SIGLEC1: variants seen among roughly 807,000 people sequenced by gnomAD.
The protein encoded by SIGLEC1 is sialoadhesin.
In SIGLEC1, 132 loss-of-function variants were observed where a neutral mutation model predicts 148.0. The observed-to-expected ratio is 0.89, with a 90% CI of 0.77 to 1.03. SIGLEC1 has a LOEUF of 1.03. Among genes scored for constraint, SIGLEC1 ranks in the 50% least tolerant of loss-of-function variants. The pLI, the probability that SIGLEC1 is intolerant of heterozygous loss-of-function variation, is 0.00. For missense variants in SIGLEC1, 2,253 were observed against 2,271.4 expected (o/e 0.99, Z 0.16); for synonymous variants, 945 against 969.0 (o/e 0.98, Z 0.46).
At chr20:3,709,290 C>G (rs1241706939) in intron 1 of SIGLEC1, among the ~76,000 whole-genome samples, 1 of 152,116 alleles carries the variant, frequency 6.6e-6, no homozygotes, top group East Asian at 1.9e-4. Context: ...AGATATATAA[C>G]TGGCTGATAA....
chr20:3,703,432 G>A lies in SIGLEC1; in HGVS notation c.993C>T (p.Ser331=). ...LHIFMAEVQV[S]PAGPILENQT... The stretch of plus-strand genomic sequence containing the variant: ...GGTTCTCCAGGATGGGACCTGCTGG[G>A]CTCACCTGGACCTCAGCCACTGCAA... Residue 331 remains serine (S), a synonymous_variant, in exon 6 of 22, where the codon AGC becomes AGT. Coordinates refer to ENST00000344754, the MANE Select transcript of SIGLEC1 (RefSeq NM_023068.4). 1 of 1,579,156 alleles carries A rather than the reference G, an allele frequency of 6.3e-7. No homozygotes were observed. Among genetic ancestry groups the A allele is most frequent in the Non-Finnish European group, 8.6e-7 (1 of 1,160,652 alleles).
In SIGLEC1 at chr20:3,693,149, C is replaced by A; in HGVS notation, c.3509-18G>T. 6.6e-7 allele frequency: 1 copy of A among 1,521,606 alleles called. No homozygotes were observed. 94.3% of individuals were successfully genotyped at this position (1,521,606 alleles called of 1,614,324 possible). A position where few individuals can be genotyped will look rare whatever the true frequency, so the allele number is the denominator to read the frequency against. ...GGGCGCGTCTGCAGGGCATGAGAGG[C>A]TTACACGGAGTCACAGGCAGCAGCC... On this transcript the variant is annotated intron_variant, in intron 14 of 21. Coordinates refer to ENST00000344754, the MANE Select transcript of SIGLEC1 (RefSeq NM_023068.4).
At chr20:3,689,073 TA>T in intron 21 of SIGLEC1, 81 bp downstream of exon 21, 2 of 1,235,184 alleles carry the variant, frequency 1.6e-6, no homozygotes, top group Non-Finnish European at 1.2e-6. Flanking sequence ...CACCATCCTC[TA>T]AATGACAGCA....
chr20:3,697,564 G>A (rs1338277484), intron 9 of SIGLEC1, among the ~76,000 whole-genome samples: 1 of 152,188 alleles, frequency 6.6e-6, no homozygotes, highest in Non-Finnish European at 1.5e-5. Context: ...GGACAAGGCA[G>A]CCCAACTGTC....
Position 3,701,521 on chromosome 20 carries a change from T to C in SIGLEC1, c.1349A>G (p.His450Arg). The stretch of plus-strand genomic sequence containing the variant: ...GTCCCCGGAGGTGGAGGCCAGGATA[T>C]GACCCCCATGTGACAGCACCAGTGT... The part of the protein sequence containing the change: ...LATLVLSHGG[H>R]ILASTSGDSD... Residue 450 changes from histidine to arginine, a missense_variant, in exon 7 of 22, where the codon CAT becomes CGT. Coordinates refer to ENST00000344754, the MANE Select transcript of SIGLEC1 (RefSeq NM_023068.4). The C allele has an allele frequency of 6.2e-7, 1 of 1,613,960 alleles. No individual in the cohort carries two copies. The highest frequency in any genetic ancestry group is 8.5e-7 in the Non-Finnish European group (1 of 1,180,004).
intron 10 of SIGLEC1, 69 bp from the exon 11 acceptor site, chr20:3,696,957 C>T: frequency 1.3e-6 from 2 of 1,531,468 alleles, no homozygotes; most frequent in Non-Finnish European, 1.8e-6. Context: ...CACTATGTCC[C>T]CCACCTCCTG....
chr20:3,706,122 G>C, intron 3 of SIGLEC1, 82 bp from the exon 4 acceptor site: 1 of 1,443,050 alleles, frequency 6.9e-7, no homozygotes, highest in Non-Finnish European at 9.4e-7. Flanking sequence ...GCTGAGGAGA[G>C]AGCCCTGGGG....
Position 3,692,914 on chromosome 20 carries a change from A to G in SIGLEC1, c.3726T>C (p.Ser1242=). 6.2e-7 allele frequency: 1 copy of G among 1,612,390 alleles called. No individual in the cohort carries two copies. Among genetic ancestry groups the G allele is most frequent in the Non-Finnish European group, 8.5e-7 (1 of 1,179,908 alleles). ...TGGCCTGGCCCAGAGGGCTGCGGGC[A>G]GAGCAGCTGTAGAAACCCTCATCCC... is the stretch of plus-strand genomic sequence containing the variant. ...QPRDEGFYSC[S]ARSPLGQANT... is the part of the protein sequence containing the mutation. Residue 1242 remains serine (S), a synonymous_variant, in exon 15 of 22, where the codon TCT becomes TCC. Transcript: ENST00000344754.
At chr20:3,704,193 T>C in intron 4 of SIGLEC1, 102 bp from the exon 5 acceptor site, 5 of 1,154,080 alleles carry the variant, frequency 4.3e-6, no homozygotes, top group Non-Finnish European at 6.2e-6. Flanking sequence ...TAAGGAAGTA[T>C]GCCCAGATAA....
intron 11 of SIGLEC1, among the ~76,000 whole-genome samples, chr20:3,695,659 G>A (rs775587802): frequency 2.0e-5 from 3 of 152,174 alleles, no homozygotes; most frequent in Non-Finnish European, 4.4e-5. Flanking sequence ...CTGCGAAATA[G>A]GTATGCTAAG....
In SIGLEC1 at chr20:3,688,086, T is replaced by A. The variant is rs1284325819; in HGVS notation, c.*474A>T. The A allele has an allele frequency of 5.4e-6, 1 of 186,242 alleles. No homozygotes were observed. Among genetic ancestry groups the A allele is most frequent in the African/African-American group, 2.4e-5 (1 of 41,820 alleles). The allele number at this position is 186,242 out of a possible 1,614,324, so 11.5% of individuals were successfully genotyped here. ...TCATAAACCATCGTAACAGCCAGAC[T>A]AGCGTGGGAGAGAAAAATAAAATTC... is the stretch of plus-strand genomic sequence containing the variant. On this transcript the variant is annotated 3_prime_UTR_variant, in exon 22 of 22. Coordinates refer to ENST00000344754, the MANE Select transcript of SIGLEC1 (RefSeq NM_023068.4).
rs146324770 is a variant in SIGLEC1, at chr20:3,688,323, C to A, written c.*237G>T. On this transcript the variant is annotated 3_prime_UTR_variant, in exon 22 of 22. Transcript: ENST00000344754. The stretch of plus-strand genomic sequence containing the variant: ...GGGAGGAGATCCAGAGAAGAGAGAG[C>A]GAGATCAGCTCAGTGCTCTTCAGTG... The A allele has an allele frequency of 2.5e-4, 128 of 518,774 alleles. 1 individual carries two copies. The highest frequency in any genetic ancestry group is 2.3e-3 in the African/African-American group (118 of 51,592). 32.1% of individuals were successfully genotyped at this position (518,774 alleles called of 1,614,324 possible). A position where few individuals can be genotyped will look rare whatever the true frequency, so the allele number is the denominator to read the frequency against.
intron 7 of SIGLEC1, among the ~76,000 whole-genome samples, chr20:3,700,376 C>T (rs897119274): frequency 6.6e-6 from 1 of 151,982 alleles, no homozygotes; most frequent in Admixed American, 6.6e-5. Flanking sequence ...CCTCGGCCTC[C>T]CAAAGTGCTG....
intron 5 of SIGLEC1, among the ~76,000 whole-genome samples, 176 bp downstream of exon 5, chr20:3,703,649 C>T (rs975201255): frequency 6.6e-6 from 1 of 152,222 alleles, no homozygotes; most frequent in African/African-American, 2.4e-5. Flanking sequence ...CCCCACCCTT[C>T]GTGGGGGTAT....
Position 3,692,749 on chromosome 20 carries a change from C to G in SIGLEC1, c.3802G>C (p.Glu1268Gln), listed in dbSNP as rs759202225. 1 of 1,611,380 alleles carries G rather than the reference C, an allele frequency of 6.2e-7. No individual in the cohort carries two copies. The highest frequency in any genetic ancestry group is 8.5e-7 in the Non-Finnish European group (1 of 1,179,496). Reference sequence around the variant, plus strand: ...GGGGCACCTTCAGGCACGGCAGCCTCCGGAGCCAGGATCACCCGCACACCT... The same window carrying G: ...GGGGCACCTTCAGGCACGGCAGCCTGCGGAGCCAGGATCACCCGCACACCT... ...LEGVRVILAP[E>Q]AAVPEGAPIT... Residue 1268 changes from glutamate (E) to glutamine (Q), a missense_variant, in exon 16 of 22, where the codon GAG (glutamate) becomes CAG (glutamine). By Grantham distance (29) the Glu-to-Gln change is conservative (BLOSUM62 2). Transcript: ENST00000344754.
At chr20:3,691,786 T>A in intron 17 of SIGLEC1, 117 bp downstream of exon 17, 1 of 1,385,268 alleles carries the variant, frequency 7.2e-7, no homozygotes, top group East Asian at 2.3e-5. Flanking sequence ...AGATTAGGCT[T>A]CTCAAGGCAG....
At chr20:3,709,487 A>G (rs1186417449) in intron 1 of SIGLEC1, among the ~76,000 whole-genome samples, 3 of 152,222 alleles carry the variant, frequency 2.0e-5, no homozygotes, top group Non-Finnish European at 4.4e-5. Flanking sequence ...GGAATATAAA[A>G]TGGTTCCGTC....
chr20:3,688,422 G>C lies in SIGLEC1; in HGVS notation c.*138C>G. The C allele has an allele frequency of 2.6e-6, 2 of 781,870 alleles. No homozygotes were observed. The highest frequency in any genetic ancestry group is 2.9e-5 in the South Asian group (2 of 68,260). The allele number at this position is 781,870 out of a possible 1,614,324, so 48.4% of individuals were successfully genotyped here. Reference sequence around the variant, plus strand: ...TGGGGGGGCAAGAGGCTTGGGGCCAGGTCATAAAAAGTCAGATGTCACAGA... The same window carrying C: ...TGGGGGGGCAAGAGGCTTGGGGCCACGTCATAAAAAGTCAGATGTCACAGA... On this transcript the variant is annotated 3_prime_UTR_variant, in exon 22 of 22. Transcript: ENST00000344754.
chr20:3,695,139 C>A (rs1239388277), intron 11 of SIGLEC1, among the ~76,000 whole-genome samples: 1 of 152,220 alleles, frequency 6.6e-6, no homozygotes, highest in Non-Finnish European at 1.5e-5. Context: ...TACCTCCCAC[C>A]ACCTGGTGGG....
Sources: gnomAD v4.1 joint callset for allele counts (sites outside exome capture counted in the v4.1 genomes callset) on GRCh38, gnomAD v4.1.1 for gene constraint, MANE v1.5 for transcripts, NCBI Gene and HGNC (gene_info 2026-07-23, HGNC 2026-07-21) for gene names.